ITGA8: variants seen among roughly 807,000 people sequenced by gnomAD.
ITGA8 encodes integrin alpha-8.
In ITGA8, 91 loss-of-function variants were observed where a neutral mutation model predicts 142.3. The ratio of observed to expected loss-of-function variants is 0.64; its 90% CI spans 0.54 to 0.76. The LOEUF is 0.76. ITGA8 is among the 30% of genes least tolerant of loss of function. The pLI, the probability that ITGA8 is intolerant of heterozygous loss-of-function variation, is 0.00. For missense variants in ITGA8, 1,406 were observed against 1,327.7 expected (o/e 1.06, Z -0.92); for synonymous variants, 505 against 485.2 (o/e 1.04, Z -0.54).
chr10:15,555,622 G>A (rs1248628696), intron 26 of ITGA8, among the ~76,000 whole-genome samples: 2 of 152,170 alleles, frequency 1.3e-5, no homozygotes, highest in Non-Finnish European at 2.9e-5. Flanking sequence ...ACCCAGCCAG[G>A]ACTGTGACTG....
At chr10:15,549,434 C>T (rs1008064231) in intron 26 of ITGA8, among the ~76,000 whole-genome samples, 8 of 152,080 alleles carry the variant, frequency 5.3e-5, no homozygotes, top group Non-Finnish European at 1.2e-4. Context: ...TGGTCTCGCA[C>T]TCCTGACCTC....
At chr10:15,562,153 A>G (rs1190355864) in intron 25 of ITGA8, among the ~76,000 whole-genome samples, 3 of 152,218 alleles carry the variant, frequency 2.0e-5, no homozygotes, top group Non-Finnish European at 4.4e-5. Flanking sequence ...CACAAAGCCT[A>G]ACCCTATCAG....
chr10:15,532,696 T>C (rs1370356945), intron 27 of ITGA8, among the ~76,000 whole-genome samples: 1 of 151,626 alleles, frequency 6.6e-6, no homozygotes. Context: ...TACCCAGTGC[T>C]GGGTCCTAAC....
intron 27 of ITGA8, among the ~76,000 whole-genome samples, chr10:15,533,913 C>CT (rs572087349): frequency 1.3e-3 from 184 of 146,710 alleles, no homozygotes; most frequent in Non-Finnish European, 1.3e-3. Context: ...CATCACCAAT[C>CT]TTTTTTTTTT....
intron 27 of ITGA8, among the ~76,000 whole-genome samples, chr10:15,547,386 A>G (rs1833695028): frequency 6.6e-6 from 1 of 152,228 alleles, no homozygotes; most frequent in Non-Finnish European, 1.5e-5. Flanking sequence ...AGCCTGGCCA[A>G]TGTGGCAAAA....
chr10:15,638,031 T>G (rs1284770388), intron 13 of ITGA8, among the ~76,000 whole-genome samples: 1 of 152,148 alleles, frequency 6.6e-6, no homozygotes, highest in African/African-American at 2.4e-5. Context: ...GGGCTCTTAA[T>G]TATTAGCACT....
intron 2 of ITGA8, among the ~76,000 whole-genome samples, chr10:15,710,569 G>A (rs767162775): frequency 3.3e-5 from 5 of 152,340 alleles, no homozygotes; most frequent in Middle Eastern, 3.4e-3. Context: ...AATGCAGGAG[G>A]ACATGGTGCA....
Position 15,564,769 on chromosome 10 carries a change from C to G in ITGA8, c.2638-6567G>C, listed in dbSNP as rs191489087. 2.3e-3 allele frequency among the ~76,000 whole-genome samples: 349 copies of G among 152,326 alleles called. 2 individuals carry two copies. The highest frequency in any genetic ancestry group is 8.1e-3 in the African/African-American group (338 of 41,584). On this transcript the variant is annotated intron_variant, in intron 25 of 29. Coordinates refer to ENST00000378076, the MANE Select transcript of ITGA8 (RefSeq NM_003638.3). Reference sequence around the variant, plus strand: ...CCCAAACAAAAGCAATGCACACTATCTTTTTCTTGTTTGTAATTTGTTTTT... The same window carrying G: ...CCCAAACAAAAGCAATGCACACTATGTTTTTCTTGTTTGTAATTTGTTTTT...
chr10:15,569,576 T>C (rs1450764946), intron 25 of ITGA8, among the ~76,000 whole-genome samples: 2 of 152,162 alleles, frequency 1.3e-5, no homozygotes, highest in Non-Finnish European at 2.9e-5. Context: ...TTACTAAAAA[T>C]AAAACTAACT....
chr10:15,624,306 C>T (rs969634218), intron 13 of ITGA8, among the ~76,000 whole-genome samples: 4 of 152,208 alleles, frequency 2.6e-5, no homozygotes, highest in African/African-American at 9.7e-5. Context: ...CACTTTGCTA[C>T]TGGCTTCTAA....
intron 11 of ITGA8, among the ~76,000 whole-genome samples, chr10:15,653,790 T>A (rs1048626929): frequency 6.6e-6 from 1 of 152,008 alleles, no homozygotes; most frequent in African/African-American, 2.4e-5. Flanking sequence ...CTTAGCAATA[T>A]GCAGTTAAAG....
chr10:15,524,547 T>C (rs1157382759), intron 28 of ITGA8, among the ~76,000 whole-genome samples: 3 of 152,134 alleles, frequency 2.0e-5, no homozygotes, highest in Non-Finnish European at 4.4e-5. Flanking sequence ...GATAGAGTGA[T>C]GGGGAGTCAT....
rs144983869 is a variant in ITGA8, at chr10:15,606,359, C to T, written c.1828G>A (p.Glu610Lys). 33 of 1,611,644 alleles carry T rather than the reference C, an allele frequency of 2.0e-5. No individual in the cohort carries two copies. In the African/African-American group the frequency reaches 3.3e-4, roughly 16 times the overall value. ...INISLNYSLD[E>K]STFKEGLEVK... ...TCCAGGCCTTCTTTAAAGGTGGATT[C>T]GTCCAAACTGTAATTCAAACTAATG... The change falls in exon 18 of 30, where the codon GAA becomes AAA. Residue 610 changes from glutamate to lysine, a missense_variant. Physicochemically the swap from Glu to Lys is moderately conservative, Grantham distance 56 (BLOSUM62 1). Transcript: ENST00000378076.
intron 28 of ITGA8, 114 bp downstream of exon 28, chr10:15,530,936 G>A: frequency 1.6e-6 from 1 of 615,450 alleles, no homozygotes; most frequent in Non-Finnish European, 2.8e-6. Flanking sequence ...GAGCTGAAGA[G>A]GAAAATTTTT....
chr10:15,571,176 C>T (rs1182985285), intron 25 of ITGA8, among the ~76,000 whole-genome samples: 1 of 152,042 alleles, frequency 6.6e-6, no homozygotes, highest in Non-Finnish European at 1.5e-5. Context: ...ACTAATGAAC[C>T]CCCTTTAGTC....
chr10:15,693,537 C>T (rs1403646680), intron 2 of ITGA8, among the ~76,000 whole-genome samples: 1 of 152,138 alleles, frequency 6.6e-6, no homozygotes, highest in Non-Finnish European at 1.5e-5. Context: ...ACCCAAAGTG[C>T]ACATGACTAA....
chr10:15,658,876 A>T (rs573708628), intron 10 of ITGA8, 123 bp downstream of exon 10: 1 of 678,702 alleles, frequency 1.5e-6, no homozygotes, highest in African/African-American at 1.9e-5. Context: ...TGCCTAGGAC[A>T]GTTTCCAGTA....
At chr10:15,672,371 A>T (rs1457665273) in intron 7 of ITGA8, among the ~76,000 whole-genome samples, 1 of 152,224 alleles carries the variant, frequency 6.6e-6, no homozygotes, top group African/African-American at 2.4e-5. Flanking sequence ...CATAGTATCT[A>T]CTACTGGTGA....
chr10:15,694,309 T>C lies in ITGA8; in HGVS notation c.344-6271A>G, dbSNP rs1269428873. On this transcript the variant is annotated intron_variant, in intron 2 of 29. Transcript: ENST00000378076. ...AGATAATATATCATATATATGATAA[T>C]ATATCATATATATGATAATATATCA... Among the ~76,000 whole-genome samples, 475 of 94,690 alleles carry C rather than the reference T, an allele frequency of 5.0e-3. 8 individuals carry two copies. Among genetic ancestry groups the C allele is most frequent in the African/African-American group, 0.014 (382 of 27,062 alleles). The allele number at this position is 94,690 out of a possible 152,430, so 62.1% of individuals were successfully genotyped here. A position where few individuals can be genotyped will look rare whatever the true frequency, so the allele number is the denominator to read the frequency against.
Sources: allele counts gnomAD v4.1 joint callset (sites outside exome capture counted in the v4.1 genomes callset), GRCh38; gene constraint gnomAD v4.1.1; transcripts MANE v1.5; gene names NCBI Gene and HGNC (gene_info 2026-07-23, HGNC 2026-07-21).